Variants in GRM5 observed in about 807,000 individuals in gnomAD.
GRM5 encodes metabotropic glutamate receptor 5.
A neutral mutation model predicts 83.1 loss-of-function variants in GRM5; 19 were observed. The ratio of observed to expected loss-of-function variants is 0.23; its 90% confidence interval spans 0.16 to 0.34. GRM5 has a LOEUF of 0.34. Among genes scored for constraint, GRM5 ranks in the 10% least tolerant of loss-of-function variants. GRM5 has a pLI of 1.00. For missense variants in GRM5, 1,160 were observed against 1,588.3 expected, an observed-to-expected ratio of 0.73 and a Z score of 4.58; for synonymous variants, 675 against 633.6, an observed-to-expected ratio of 1.07 and a Z score of -0.98.
chr11:88,621,530 A>G (rs144370536), intron 4 of GRM5, among the ~76,000 whole-genome samples: 1,633 of 152,268 alleles, frequency 0.011, 32 homozygotes, highest in African/African-American at 0.037. Context: ...ATGACCCCAC[A>G]ACAGGTACCA....
Position 88,634,506 on chromosome 11 carries a change from A to T in GRM5, c.1147+18662T>A, listed in dbSNP as rs115556098. The stretch of plus-strand genomic sequence containing the variant: ...TTTTGTTAAAAACCAAGATACCTAC[A>T]CACATTAGCCTAGGCATGCACAGGG... On this transcript the variant is annotated intron_variant, in intron 4 of 9. Coordinates refer to ENST00000305447, the MANE Select transcript of GRM5 (RefSeq NM_001143831.3). Among the ~76,000 whole-genome samples the T allele has an allele frequency of 7.3e-3, 1,104 of 152,196 alleles. 8 individuals carry two copies. The highest frequency in any genetic ancestry group is 0.026 in the African/African-American group (1,068 of 41,534).
chr11:88,772,395 A>T (rs1037525313), intron 3 of GRM5, among the ~76,000 whole-genome samples: 3 of 151,638 alleles, frequency 2.0e-5, no homozygotes, highest in Admixed American at 2.0e-4. Context: ...TTAAATATCA[A>T]TCATGTACTT....
chr11:88,820,392 A>AAAAAAAAAAAAG (rs1170201961), intron 3 of GRM5, among the ~76,000 whole-genome samples: 3 of 149,138 alleles, frequency 2.0e-5, no homozygotes, highest in Admixed American at 6.6e-5. Flanking sequence ...AAAAAAAAAA[A>AAAAAAAAAAAAG]AGCCAATATA....
intron 2 of GRM5, among the ~76,000 whole-genome samples, chr11:88,985,636 A>G (rs1342381955): frequency 1.3e-5 from 2 of 152,156 alleles, no homozygotes; most frequent in Non-Finnish European, 2.9e-5. Context: ...TAAATTCAGC[A>G]GTTTTCAAAC....
chr11:88,991,892 C>A (rs2135049301), intron 2 of GRM5, among the ~76,000 whole-genome samples: 1 of 152,184 alleles, frequency 6.6e-6, no homozygotes, highest in South Asian at 2.1e-4. Flanking sequence ...AAACGTTAGA[C>A]CTAAAACCAT....
At chr11:88,880,861 C>G (rs1465046442) in intron 2 of GRM5, among the ~76,000 whole-genome samples, 3 of 152,110 alleles carry the variant, frequency 2.0e-5, no homozygotes, top group Non-Finnish European at 4.4e-5. Flanking sequence ...ATTTGTGTAA[C>G]TTTACACAAA....
chr11:88,713,459 C>T (rs1268999015), intron 3 of GRM5, among the ~76,000 whole-genome samples: 1 of 151,942 alleles, frequency 6.6e-6, no homozygotes, highest in Non-Finnish European at 1.5e-5. Flanking sequence ...GTAATAGGTG[C>T]TGAACTAATG....
chr11:89,005,335 GA>G (rs1486226855), intron 2 of GRM5, among the ~76,000 whole-genome samples: 1 of 152,152 alleles, frequency 6.6e-6, no homozygotes, highest in Non-Finnish European at 1.5e-5. Flanking sequence ...GAAGGAATTG[GA>G]AAGAGCAGAA....
chr11:88,512,171 G>A (rs1941391447), intron 9 of GRM5: 1 of 154,338 alleles, frequency 6.5e-6, no homozygotes, highest in Admixed American at 6.5e-5. Flanking sequence ...CTAGGTGAGT[G>A]TGTGATGAGG....
chr11:88,724,952 G>A (rs1007412458), intron 3 of GRM5, among the ~76,000 whole-genome samples: 1 of 152,122 alleles, frequency 6.6e-6, no homozygotes, highest in Non-Finnish European at 1.5e-5. Context: ...AGGGTTTTGG[G>A]TTTCAAGCAC....
intron 3 of GRM5, among the ~76,000 whole-genome samples, chr11:88,692,680 A>C (rs1364260557): frequency 6.6e-6 from 1 of 152,006 alleles, no homozygotes; most frequent in Non-Finnish European, 1.5e-5. Flanking sequence ...ATGCAACAAG[A>C]CTCCATTTTC....
intron 3 of GRM5, among the ~76,000 whole-genome samples, chr11:88,682,554 T>C (rs1940521791): frequency 6.6e-6 from 1 of 152,006 alleles, no homozygotes; most frequent in Non-Finnish European, 1.5e-5. Flanking sequence ...ACTCAGCAAC[T>C]GAAACATTTT....
At chr11:88,785,146 G>A (rs1280906682) in intron 3 of GRM5, among the ~76,000 whole-genome samples, 3 of 151,986 alleles carry the variant, frequency 2.0e-5, no homozygotes, top group African/African-American at 2.4e-5. Flanking sequence ...GGAGTGTATG[G>A]GATTATCTTT....
chr11:88,991,664 A>G (rs11499697), intron 2 of GRM5, among the ~76,000 whole-genome samples: 58,578 of 146,978 alleles, frequency 0.4, 13,346 homozygotes, highest in South Asian at 0.6. Context: ...CCAAAACAGA[A>G]ATATAGATCA....
At chr11:88,620,385 G>A (rs1255168610) in intron 4 of GRM5, among the ~76,000 whole-genome samples, 1 of 152,152 alleles carries the variant, frequency 6.6e-6, no homozygotes, top group Non-Finnish European at 1.5e-5. Context: ...GCACTATGTG[G>A]ATCAGACACA....
At chr11:88,648,948 C>CAG (rs1565170855) in intron 4 of GRM5, among the ~76,000 whole-genome samples, 1 of 150,484 alleles carries the variant, frequency 6.6e-6, no homozygotes, top group African/African-American at 2.4e-5. Flanking sequence ...TGATGCAATT[C>CAG]TTTATTCTAC....
In GRM5 at chr11:88,930,952, A is replaced by AGGT; in HGVS notation, c.662-80798_662-80797insACC. ...GAAGTGTAGTAGGTCTTTCTTTAAA[A>AGGT]AAAAATGGGAGATTGTAGTTGCTGA... On this transcript the variant is annotated intron_variant, in intron 2 of 9. Transcript: ENST00000305447. Among the ~76,000 whole-genome samples the AGGT allele has an allele frequency of 1.3e-5, 2 of 152,144 alleles. 1 individual carries two copies. Among genetic ancestry groups the AGGT allele is most frequent in the South Asian group, 4.1e-4 (2 of 4,830 alleles).
chr11:88,825,032 A>T (rs1943869752), intron 3 of GRM5, among the ~76,000 whole-genome samples: 1 of 152,126 alleles, frequency 6.6e-6, no homozygotes, highest in Admixed American at 6.5e-5. Context: ...TCATGTGAAA[A>T]CTTCACTAAG....
chr11:88,773,567 G>C (rs1942784704), intron 3 of GRM5, among the ~76,000 whole-genome samples: 1 of 152,112 alleles, frequency 6.6e-6, no homozygotes, highest in Admixed American at 6.6e-5. Context: ...TTTTCTTCTA[G>C]GGTTTTTATG....
Sources: gnomAD v4.1 joint callset for allele counts (sites outside exome capture counted in the v4.1 genomes callset) on GRCh38, gnomAD v4.1.1 for gene constraint, MANE v1.5 for transcripts, NCBI Gene and HGNC (gene_info 2026-07-23, HGNC 2026-07-21) for gene names.